Variants in CSNK2A2IP observed in about 807,000 individuals in gnomAD.
The protein encoded by CSNK2A2IP is casein kinase II subunit alpha'-interacting protein.
chr3:88,440,685 A>C, the CSNK2A2IP span, among the ~76,000 whole-genome samples: 3 of 152,170 alleles, frequency 2.0e-5, no homozygotes. Context: ...TTTCATGTAG[A>C]AATTAAAGCT....
chr3:88,466,269 A>C, the CSNK2A2IP span: 3 of 1,231,746 alleles, frequency 2.4e-6, no homozygotes, highest in Admixed American at 8.4e-5. Flanking sequence ...GGCAATCAGC[A>C]TCATCATATT....
the CSNK2A2IP span, among the ~76,000 whole-genome samples, chr3:88,392,689 T>C: frequency 6.6e-6 from 1 of 152,178 alleles, no homozygotes; most frequent in Non-Finnish European, 1.5e-5. Context: ...CCTGTATTTA[T>C]GTAAGTTGAA....
At chr3:88,388,807 G>C in the CSNK2A2IP span, among the ~76,000 whole-genome samples, 1 of 152,040 alleles carries the variant, frequency 6.6e-6, no homozygotes, top group African/African-American at 2.4e-5. Context: ...TGCCTGTTTA[G>C]CCACAATGAG....
At chr3:88,465,025 C>G in the CSNK2A2IP span, 1 of 182,342 alleles carries the variant, frequency 5.5e-6, no homozygotes, top group Non-Finnish European at 1.1e-5. Flanking sequence ...CAAGAAAGTA[C>G]TTAAGAAAAT....
chr3:88,421,878 A>G, the CSNK2A2IP span, among the ~76,000 whole-genome samples: 1 of 152,096 alleles, frequency 6.6e-6, no homozygotes, highest in African/African-American at 2.4e-5. Context: ...ACCAGAAACT[A>G]TTCTAGAAAC....
At chr3:88,401,082 T>C in the CSNK2A2IP span, among the ~76,000 whole-genome samples, 6 of 152,286 alleles carry the variant, frequency 3.9e-5, no homozygotes, top group South Asian at 1.0e-3. Context: ...TGATATGAAG[T>C]TATCATATGT....
At chr3:88,422,478 T>C in the CSNK2A2IP span, among the ~76,000 whole-genome samples, 1 of 152,212 alleles carries the variant, frequency 6.6e-6, no homozygotes, top group Non-Finnish European at 1.5e-5. Flanking sequence ...AGAAAAATTT[T>C]AGAATTTGAG....
chr3:88,446,046 C>A, the CSNK2A2IP span, among the ~76,000 whole-genome samples: 1 of 62,196 alleles, frequency 1.6e-5, no homozygotes, highest in South Asian at 5.7e-4. Context: ...TTCTTTCTTT[C>A]TTTCTTTCTT....
chr3:88,408,713 T>A, the CSNK2A2IP span, among the ~76,000 whole-genome samples: 1 of 152,024 alleles, frequency 6.6e-6, no homozygotes, highest in Admixed American at 6.5e-5. Flanking sequence ...GGGGCCACTG[T>A]GATCTGGGAG....
the CSNK2A2IP span, among the ~76,000 whole-genome samples, chr3:88,452,308 C>A: frequency 1.3e-5 from 2 of 151,526 alleles, no homozygotes; most frequent in South Asian, 2.1e-4. Context: ...AAATTAAAAG[C>A]GAAAAAATTA....
the CSNK2A2IP span, among the ~76,000 whole-genome samples, chr3:88,451,074 A>T: frequency 6.6e-6 from 1 of 152,102 alleles, no homozygotes; most frequent in Non-Finnish European, 1.5e-5. Context: ...ATATCAAAGA[A>T]GGTTTTTGAA....
chr3:88,454,628 A>G, the CSNK2A2IP span, among the ~76,000 whole-genome samples: 1 of 151,854 alleles, frequency 6.6e-6, no homozygotes, highest in African/African-American at 2.4e-5. Context: ...TCTTTTTTAT[A>G]CATGTGTCTT....
At chr3:88,356,978 T>C in the CSNK2A2IP span, among the ~76,000 whole-genome samples, 1 of 132,624 alleles carries the variant, frequency 7.5e-6, no homozygotes, top group Non-Finnish European at 1.8e-5. Flanking sequence ...TTTTCTAGTG[T>C]GTTGTTTGAG....
chr3:88,384,604 G>C, the CSNK2A2IP span, among the ~76,000 whole-genome samples: 1 of 151,968 alleles, frequency 6.6e-6, no homozygotes, highest in African/African-American at 2.4e-5. Flanking sequence ...AGAGCAATAG[G>C]GACTCCTGAA....
the CSNK2A2IP span, among the ~76,000 whole-genome samples, chr3:88,450,224 G>A: frequency 6.6e-6 from 1 of 151,968 alleles, no homozygotes; most frequent in Non-Finnish European, 1.5e-5. Flanking sequence ...ACAACATGAT[G>A]TTATAGGAAA....
the CSNK2A2IP span, among the ~76,000 whole-genome samples, chr3:88,377,722 A>G: frequency 6.6e-6 from 1 of 151,910 alleles, no homozygotes; most frequent in African/African-American, 2.4e-5. Flanking sequence ...GGAAGAGAAA[A>G]CTGAAGAATA....
the CSNK2A2IP span, among the ~76,000 whole-genome samples, chr3:88,462,248 A>G: frequency 1.3e-5 from 2 of 151,868 alleles, no homozygotes; most frequent in African/African-American, 4.8e-5. Context: ...ACTACTTTGT[A>G]TGCTCTGTTT....
At chr3:88,368,572 T>C in the CSNK2A2IP span, among the ~76,000 whole-genome samples, 16 of 152,026 alleles carry the variant, frequency 1.1e-4, no homozygotes, top group African/African-American at 3.4e-4. Flanking sequence ...AATGCCAGTA[T>C]GATTTCCTCC....
At chr3:88,458,687 T>C in the CSNK2A2IP span, among the ~76,000 whole-genome samples, 1 of 152,152 alleles carries the variant, frequency 6.6e-6, no homozygotes, top group Non-Finnish European at 1.5e-5. Context: ...TTTTTGATAC[T>C]GTCATTTATT....
Sources: allele counts gnomAD v4.1 joint callset (sites outside exome capture counted in the v4.1 genomes callset), GRCh38; gene constraint gnomAD v4.1.1; transcripts MANE v1.5; gene names NCBI Gene and HGNC (gene_info 2026-07-23, HGNC 2026-07-21).